Variants in PTP4A3 observed in about 807,000 individuals in gnomAD.
The protein encoded by PTP4A3 is protein tyrosine phosphatase type IVA 3.
In PTP4A3, 9 loss-of-function variants were observed where a neutral mutation model predicts 15.2. The ratio of observed to expected loss-of-function variants is 0.59; its 90% CI spans 0.36 to 1.03. PTP4A3 has a LOEUF of 1.03. Ranked by LOEUF, PTP4A3 falls within the 50% of genes least tolerant of loss-of-function variation. The pLI, the probability that PTP4A3 is intolerant of heterozygous loss-of-function variation, is 0.02. For missense variants in PTP4A3, 234 were observed against 252.1 expected, an observed-to-expected ratio of 0.93 and a Z score of 0.49; for synonymous variants, 95 against 102.0, an observed-to-expected ratio of 0.93 and a Z score of 0.41.
At chr8:141,400,177 G>A (rs974166501) in intron 1 of PTP4A3, among the ~76,000 whole-genome samples, 6 of 152,146 alleles carry the variant, frequency 3.9e-5, no homozygotes, top group African/African-American at 1.4e-4. Flanking sequence ...TACAGTGTGA[G>A]CCACTGCGCC....
At chr8:141,412,336 T>G (rs1832891721) in intron 1 of PTP4A3, among the ~76,000 whole-genome samples, 1 of 152,130 alleles carries the variant, frequency 6.6e-6, no homozygotes, top group Admixed American at 6.5e-5. Context: ...GCTCCCCACC[T>G]CCCAAGTGAG....
At chr8:141,398,924 T>A (rs371449328) in intron 1 of PTP4A3, among the ~76,000 whole-genome samples, 1 of 152,072 alleles carries the variant, frequency 6.6e-6, no homozygotes, top group South Asian at 2.1e-4. Flanking sequence ...AAGCCAGGCC[T>A]GGCCCAGCTA....
intron 4 of PTP4A3, among the ~76,000 whole-genome samples, chr8:141,427,509 A>G (rs896598047): frequency 1.3e-5 from 2 of 152,060 alleles, no homozygotes; most frequent in African/African-American, 4.8e-5. Flanking sequence ...TTAGCACTTC[A>G]CCCGCCAGCT....
rs192348803 is a variant in PTP4A3, at chr8:141,407,754, A to G, written c.-853-13634A>G. Among the ~76,000 whole-genome samples the G allele has an allele frequency of 5.3e-5, 8 of 152,096 alleles. No homozygotes were observed. The East Asian group carries it at 1.5e-3, about 29-fold the overall frequency. On this transcript the variant is annotated intron_variant, in intron 1 of 5. Transcript: ENST00000521578. ...GCTAATTTTTGTATTTTTAGTAGAG[A>G]TGGGGTTTTGCCATGTTGGCCAGGC...
intron 5 of PTP4A3, 98 bp from the exon 6 acceptor site, chr8:141,430,829 T>C: frequency 8.4e-7 from 1 of 1,190,982 alleles, no homozygotes; most frequent in South Asian, 1.3e-5. Context: ...AAGGCCTTAC[T>C]CCAGCCCACT....
Position 141,425,248 on chromosome 8 carries a change from T to G in PTP4A3, c.198+108T>G, listed in dbSNP as rs935175401. ...TTTGGTGCCCCTCCTGTGGCAGCCC[T>G]GGGCATGTCTGTGCCTGGGCCACGT... is the stretch of plus-strand genomic sequence containing the variant. On this transcript the variant is annotated intron_variant, in intron 3 of 5. Coordinates refer to ENST00000521578, the MANE Select transcript of PTP4A3 (RefSeq NM_032611.3). This position sits in a 1 kb window ranked among gnomAD's most constrained non-coding sequence, Gnocchi z 4.2. 26 of 1,133,870 alleles carry G rather than the reference T, an allele frequency of 2.3e-5. No individual in the cohort carries two copies. Among genetic ancestry groups the G allele is most frequent in the Non-Finnish European group, 3.2e-5 (25 of 790,812 alleles). 70.2% of individuals were successfully genotyped at this position (1,133,870 alleles called of 1,614,324 possible).
chr8:141,406,379 G>A lies in PTP4A3; in HGVS notation c.-854+14295G>A, dbSNP rs1180312955. On this transcript the variant is annotated intron_variant, in intron 1 of 5. Coordinates refer to ENST00000521578, the MANE Select transcript of PTP4A3 (RefSeq NM_032611.3). This position sits in a 1 kb window ranked among gnomAD's most constrained non-coding sequence, Gnocchi z 4.5. ...TGAAGCACTTCTGAGAAGCCGGGGA[G>A]CAGTTCCCTGGGGTTTCCCCTGGGA... is the stretch of plus-strand genomic sequence containing the variant. Among the ~76,000 whole-genome samples, 2 of 152,290 alleles carry A rather than the reference G, an allele frequency of 1.3e-5. No individual in the cohort carries two copies. Among genetic ancestry groups the A allele is most frequent in the East Asian group, 3.9e-4 (2 of 5,174 alleles).
chr8:141,429,074 A>T (rs1833722577), intron 5 of PTP4A3, among the ~76,000 whole-genome samples: 1 of 152,252 alleles, frequency 6.6e-6, no homozygotes, highest in Non-Finnish European at 1.5e-5. Flanking sequence ...CATGCTGCGG[A>T]AACAGCCAGG....
At chr8:141,400,057 G>A (rs34071135) in intron 1 of PTP4A3, among the ~76,000 whole-genome samples, 2,299 of 152,298 alleles carry the variant, frequency 0.015, 30 homozygotes, top group South Asian at 0.027. Flanking sequence ...ACAGGCATGC[G>A]CCACTATGCC....
intron 1 of PTP4A3, among the ~76,000 whole-genome samples, chr8:141,394,192 G>T (rs1832377899): frequency 1.3e-5 from 2 of 152,336 alleles, no homozygotes; most frequent in East Asian, 1.9e-4. Context: ...TGGTTGGCAG[G>T]TCCTGGCGAA....
chr8:141,393,580 G>A (rs1318750989), intron 1 of PTP4A3, among the ~76,000 whole-genome samples: 1 of 152,266 alleles, frequency 6.6e-6, no homozygotes, highest in Non-Finnish European at 1.5e-5. Flanking sequence ...CCCGCAGGCA[G>A]TCGGCGTGAT....
At chr8:141,427,414 A>G (rs537471082) in intron 4 of PTP4A3, among the ~76,000 whole-genome samples, 1 of 152,124 alleles carries the variant, frequency 6.6e-6, no homozygotes, top group Non-Finnish European at 1.5e-5. Flanking sequence ...GGCAGCTGGG[A>G]TCGGATGACA....
At chr8:141,419,986 A>T (rs7460262) in intron 1 of PTP4A3, among the ~76,000 whole-genome samples, 56,605 of 152,002 alleles carry the variant, frequency 0.37, 12,170 homozygotes, top group South Asian at 0.49. Context: ...TGTGGAGGGC[A>T]GGCAGGGAGG....
chr8:141,430,445 C>A (rs549251370), intron 5 of PTP4A3, among the ~76,000 whole-genome samples: 2 of 152,064 alleles, frequency 1.3e-5, no homozygotes, highest in African/African-American at 2.4e-5. Flanking sequence ...GCCCAGGTCC[C>A]CGCTGTAAGG....
chr8:141,430,747 C>T (rs1172327252), intron 5 of PTP4A3, among the ~76,000 whole-genome samples, 180 bp from the exon 6 acceptor site: 1 of 152,070 alleles, frequency 6.6e-6, no homozygotes, highest in Non-Finnish European at 1.5e-5. Context: ...TGCAGGGGGC[C>T]AGGAAAGGGT....
chr8:141,413,311 C>T (rs1014324525), intron 1 of PTP4A3, among the ~76,000 whole-genome samples: 4 of 152,204 alleles, frequency 2.6e-5, no homozygotes, highest in African/African-American at 7.2e-5. Context: ...CCATGCCCTC[C>T]GGGACACCAT....
intron 5 of PTP4A3, 85 bp downstream of exon 5, chr8:141,427,909 T>C: frequency 7.0e-6 from 9 of 1,290,830 alleles, no homozygotes; most frequent in Non-Finnish European, 8.6e-6. Context: ...GCATTGGCTG[T>C]GTGGTTCCGT....
rs57422365 is a variant in PTP4A3, at chr8:141,401,052, C to T, written c.-854+8968C>T. On this transcript the variant is annotated intron_variant, in intron 1 of 5. Coordinates refer to ENST00000521578, the MANE Select transcript of PTP4A3 (RefSeq NM_032611.3). Reference sequence around the variant, plus strand: ...CCTGGGGACCCAGGACCTGACGGAACGGCATCACTCTTAATGGCACCGTCG... The same window carrying T: ...CCTGGGGACCCAGGACCTGACGGAATGGCATCACTCTTAATGGCACCGTCG... Among the ~76,000 whole-genome samples, 391 of 152,192 alleles carry T rather than the reference C, an allele frequency of 2.6e-3. 1 individual carries two copies. The highest frequency in any genetic ancestry group is 0.01 in the Middle Eastern group (3 of 294).
chr8:141,418,303 G>T (rs1480726751), intron 1 of PTP4A3, among the ~76,000 whole-genome samples: 1 of 152,236 alleles, frequency 6.6e-6, no homozygotes, highest in Non-Finnish European at 1.5e-5. Flanking sequence ...TCTGAAGCGG[G>T]GGCTGGATTC....
Sources: allele counts gnomAD v4.1 joint callset (sites outside exome capture counted in the v4.1 genomes callset), GRCh38; gene constraint gnomAD v4.1.1; non-coding constraint Gnocchi (gnomAD v3.1); transcripts MANE v1.5; gene names NCBI Gene and HGNC (gene_info 2026-07-23, HGNC 2026-07-21).